FIRRM: variants seen among roughly 807,000 people sequenced by gnomAD.
FIRRM encodes FIGNL1-interacting regulator of recombination and mitosis.
the FIRRM span, chr1:169,793,640 G>A: frequency 6.2e-7 from 1 of 1,613,708 alleles, no homozygotes; most frequent in Non-Finnish European, 8.5e-7. Flanking sequence ...ATCTCTAATG[G>A]GTGTTAATTC....
chr1:169,843,296 A>G, the FIRRM span, among the ~76,000 whole-genome samples: 2 of 152,220 alleles, frequency 1.3e-5, no homozygotes, highest in Admixed American at 6.5e-5. Context: ...ATAGCTTACA[A>G]TATTATAATG....
chr1:169,848,147 T>G, the FIRRM span, among the ~76,000 whole-genome samples: 1 of 152,164 alleles, frequency 6.6e-6, no homozygotes, highest in Non-Finnish European at 1.5e-5. Flanking sequence ...ATTAAAGTTA[T>G]TCTCTTCGTT....
chr1:169,806,013 C>A, the FIRRM span: 3 of 1,594,710 alleles, frequency 1.9e-6, no homozygotes, highest in Admixed American at 5.1e-5. Context: ...GTTATTCATT[C>A]TTTATTGGAT....
At chr1:169,792,535 G>C in the FIRRM span, 1 of 1,431,036 alleles carries the variant, frequency 7.0e-7, no homozygotes, top group Non-Finnish European at 9.2e-7. Flanking sequence ...CAAATTTTTG[G>C]TCCTTCTGTT....
chr1:169,850,455 G>A, the FIRRM span: 90 of 726,452 alleles, frequency 1.2e-4, no homozygotes, highest in East Asian at 1.6e-4. Flanking sequence ...TTTTCACAGT[G>A]CTGAGCACAG....
At chr1:169,853,548 C>CAA in the FIRRM span, 5 of 693,872 alleles carry the variant, frequency 7.2e-6, no homozygotes, top group East Asian at 1.3e-4. Flanking sequence ...AGCCAGCACT[C>CAA]ACAGTCAGTC....
chr1:169,850,865 T>A, the FIRRM span: 1 of 152,498 alleles, frequency 6.6e-6, no homozygotes, highest in African/African-American at 2.4e-5. Flanking sequence ...GGCAGTGAGA[T>A]GACTAATGAG....
chr1:169,847,589 G>GT, the FIRRM span: 1 of 821,730 alleles, frequency 1.2e-6, no homozygotes, highest in South Asian at 1.8e-5. Context: ...GTTTGGTTTT[G>GT]TTTCCCCTCC....
At chr1:169,791,378 G>A in the FIRRM span, among the ~76,000 whole-genome samples, 2 of 152,174 alleles carry the variant, frequency 1.3e-5, no homozygotes, top group Non-Finnish European at 2.9e-5. Context: ...ATATAAGTAA[G>A]TTTCCTTAAC....
chr1:169,834,057 G>A, the FIRRM span, among the ~76,000 whole-genome samples: 1 of 151,652 alleles, frequency 6.6e-6, no homozygotes, highest in Admixed American at 6.6e-5. Context: ...TCCCAAGGTG[G>A]TTATGAAATT....
chr1:169,800,888 T>C, the FIRRM span: 1 of 1,550,666 alleles, frequency 6.4e-7, no homozygotes, highest in Admixed American at 1.8e-5. Context: ...TACAGAAATT[T>C]TGAAAATTAT....
the FIRRM span, among the ~76,000 whole-genome samples, chr1:169,801,703 G>A: frequency 6.6e-6 from 1 of 151,704 alleles, no homozygotes; most frequent in Non-Finnish European, 1.5e-5. Flanking sequence ...GATATATATG[G>A]TATATGTTTT....
the FIRRM span, chr1:169,847,873 T>C: frequency 9.4e-7 from 1 of 1,064,952 alleles, no homozygotes; most frequent in Admixed American, 2.4e-5. Context: ...ATTAAGGGAT[T>C]TTTAGGCTTT....
chr1:169,793,739 C>G, the FIRRM span: 1 of 1,501,696 alleles, frequency 6.7e-7, no homozygotes, highest in Admixed American at 2.2e-5. Flanking sequence ...GATTCTTCAA[C>G]TTCTGGATAG....
At chr1:169,803,508 G>T in the FIRRM span, among the ~76,000 whole-genome samples, 1 of 152,106 alleles carries the variant, frequency 6.6e-6, no homozygotes, top group South Asian at 2.1e-4. Flanking sequence ...GCTTTTTGGG[G>T]TTTTTTAGTT....
the FIRRM span, chr1:169,793,029 T>G: frequency 6.2e-7 from 1 of 1,614,176 alleles, no homozygotes; most frequent in Non-Finnish European, 8.5e-7. Flanking sequence ...ACTTCATCAA[T>G]CACCATACTG....
chr1:169,852,979 C>T, the FIRRM span: 2 of 1,613,744 alleles, frequency 1.2e-6, no homozygotes, highest in South Asian at 1.1e-5. Context: ...CATACATACT[C>T]TAGGGTGAAA....
the FIRRM span, among the ~76,000 whole-genome samples, chr1:169,842,129 T>C: frequency 2.6e-5 from 4 of 151,370 alleles, no homozygotes; most frequent in Admixed American, 2.0e-4. Context: ...TGAGCCGAGA[T>C]TGCACCACTG....
chr1:169,839,037 T>G, the FIRRM span, among the ~76,000 whole-genome samples: 1 of 152,178 alleles, frequency 6.6e-6, no homozygotes, highest in Non-Finnish European at 1.5e-5. Context: ...TGGTATTTGG[T>G]TTTCTGTTCC....
Sources: gnomAD v4.1 joint callset for allele counts (sites outside exome capture counted in the v4.1 genomes callset) on GRCh38, gnomAD v4.1.1 for gene constraint, MANE v1.5 for transcripts, NCBI Gene and HGNC (gene_info 2026-07-23, HGNC 2026-07-21) for gene names.